The following KCNH7 variants were observed in gnomAD, a reference collection of about 807,000 sequenced individuals.
KCNH7 encodes voltage-gated inwardly rectifying potassium channel KCNH7.
In KCNH7, 49 loss-of-function variants were observed where a neutral mutation model predicts 120.8. The ratio of observed to expected loss-of-function variants is 0.41; its 90% CI spans 0.32 to 0.51. KCNH7 has a LOEUF of 0.51. Ranked by LOEUF, KCNH7 falls within the 20% of genes least tolerant of loss-of-function variation. KCNH7 has a pLI of 0.38. For synonymous variants in KCNH7, 547 were observed against 516.1 expected, an observed-to-expected ratio of 1.06 and a Z score of -0.81; for missense variants, 1,097 against 1,446.6, an observed-to-expected ratio of 0.76 and a Z score of 3.92.
chr2:162,570,208 G>T (rs925483134), intron 2 of KCNH7, among the ~76,000 whole-genome samples: 12 of 148,926 alleles, frequency 8.1e-5, no homozygotes, highest in African/African-American at 3.0e-4. Context: ...ATGAATCTAG[G>T]TGCTCCTGTA....
chr2:162,815,631 G>A (rs371078054), intron 2 of KCNH7, among the ~76,000 whole-genome samples: 11 of 152,314 alleles, frequency 7.2e-5, no homozygotes, highest in African/African-American at 2.2e-4. Context: ...GAGGAAGACA[G>A]TTTATGTCAG....
chr2:162,477,740 G>T (rs945790356), intron 6 of KCNH7, among the ~76,000 whole-genome samples: 1 of 152,150 alleles, frequency 6.6e-6, no homozygotes, highest in Non-Finnish European at 1.5e-5. Context: ...AGGAGGGGAT[G>T]TGGTAGAATT....
chr2:162,537,112 A>C (rs1178916914), intron 2 of KCNH7, 32 bp from the exon 3 acceptor site: 2 of 1,548,330 alleles, frequency 1.3e-6, no homozygotes, highest in Non-Finnish European at 1.8e-6. Flanking sequence ...GTTAGTTAAA[A>C]ATATGCCTTC....
At chr2:162,504,988 T>G (rs1276691581) in intron 5 of KCNH7, among the ~76,000 whole-genome samples, 2 of 152,056 alleles carry the variant, frequency 1.3e-5, no homozygotes, top group African/African-American at 2.4e-5. Context: ...TAAAGTTTCT[T>G]ATAAATTTCA....
chr2:162,712,605 T>C (rs1360893380), intron 2 of KCNH7, among the ~76,000 whole-genome samples: 1 of 152,066 alleles, frequency 6.6e-6, no homozygotes, highest in African/African-American at 2.4e-5. Flanking sequence ...ACAGATTAAA[T>C]GAACAATTCG....
chr2:162,406,335 T>C (rs1222226588), intron 9 of KCNH7, among the ~76,000 whole-genome samples: 2 of 151,946 alleles, frequency 1.3e-5, no homozygotes, highest in Non-Finnish European at 2.9e-5. Flanking sequence ...TATGAGAAGG[T>C]TTATCTATGT....
chr2:162,801,388 G>T (rs1217403645), intron 2 of KCNH7, among the ~76,000 whole-genome samples: 1 of 151,542 alleles, frequency 6.6e-6, no homozygotes, highest in Non-Finnish European at 1.5e-5. Flanking sequence ...GCAAAAGTTG[G>T]AATAAAAAAA....
intron 2 of KCNH7, among the ~76,000 whole-genome samples, chr2:162,572,280 A>G (rs1338115928): frequency 6.7e-6 from 1 of 150,106 alleles, no homozygotes; most frequent in African/African-American, 2.5e-5. Context: ...TATGCAGCCA[A>G]AAAACACATG....
chr2:162,441,286 G>A (rs1688407512), intron 7 of KCNH7, among the ~76,000 whole-genome samples: 2 of 152,156 alleles, frequency 1.3e-5, no homozygotes, highest in Admixed American at 6.6e-5. Context: ...CTATTATAAA[G>A]ATCAAGTTCA....
chr2:162,690,041 T>A (rs555160247), intron 2 of KCNH7, among the ~76,000 whole-genome samples: 7 of 152,258 alleles, frequency 4.6e-5, no homozygotes, highest in African/African-American at 1.4e-4. Flanking sequence ...TGGAATAATA[T>A]GCAACCATAA....
At chr2:162,697,233 T>A (rs2105337098) in intron 2 of KCNH7, among the ~76,000 whole-genome samples, 1 of 152,180 alleles carries the variant, frequency 6.6e-6, no homozygotes. Context: ...CTGAGTTTGA[T>A]CCAGTCTGAA....
chr2:162,491,254 C>T (rs533914745), intron 6 of KCNH7, among the ~76,000 whole-genome samples: 1 of 152,330 alleles, frequency 6.6e-6, no homozygotes, highest in Admixed American at 6.5e-5. Flanking sequence ...GGTTTTTCCC[C>T]CAGGCATTGT....
At chr2:162,760,288 C>CA (rs2105449678) in intron 2 of KCNH7, among the ~76,000 whole-genome samples, 1 of 152,170 alleles carries the variant, frequency 6.6e-6, no homozygotes, top group African/African-American at 2.4e-5. Context: ...CTCTGACATA[C>CA]ATTGGTTAAA....
At chr2:162,818,049 A>G (rs574823653) in intron 2 of KCNH7, among the ~76,000 whole-genome samples, 1 of 152,116 alleles carries the variant, frequency 6.6e-6, no homozygotes, top group East Asian at 1.9e-4. Context: ...GAAACTGTGT[A>G]TATACATATA....
At chr2:162,774,929 A>G (rs2105479536) in intron 2 of KCNH7, among the ~76,000 whole-genome samples, 1 of 152,306 alleles carries the variant, frequency 6.6e-6, no homozygotes, top group African/African-American at 2.4e-5. Flanking sequence ...TTTTATATGT[A>G]CAATCTGTAA....
chr2:162,441,628 A>T (rs1260241218), intron 7 of KCNH7, among the ~76,000 whole-genome samples: 2 of 152,212 alleles, frequency 1.3e-5, no homozygotes, highest in Non-Finnish European at 2.9e-5. Flanking sequence ...TTCAGCTGCT[A>T]ATATCTCTGA....
chr2:162,545,520 C>G (rs755778315), intron 2 of KCNH7, among the ~76,000 whole-genome samples: 2 of 152,114 alleles, frequency 1.3e-5, no homozygotes, highest in African/African-American at 2.4e-5. Flanking sequence ...AAGGGAATGC[C>G]AAAGGCCACT....
At chr2:162,776,369 T>C (rs1683238688) in intron 2 of KCNH7, among the ~76,000 whole-genome samples, 1 of 152,168 alleles carries the variant, frequency 6.6e-6, no homozygotes, top group East Asian at 1.9e-4. Context: ...TTAAGTGTAG[T>C]TAAAATAGTG....
chr2:162,579,359 G>A (rs543351424), intron 2 of KCNH7, among the ~76,000 whole-genome samples: 10 of 152,172 alleles, frequency 6.6e-5, no homozygotes, highest in South Asian at 2.1e-4. Context: ...TTCAGCTTTG[G>A]TTCCTGTAGA....
Sources: gnomAD v4.1 joint callset for allele counts (sites outside exome capture counted in the v4.1 genomes callset) on GRCh38, gnomAD v4.1.1 for gene constraint, MANE v1.5 for transcripts, NCBI Gene and HGNC (gene_info 2026-07-23, HGNC 2026-07-21) for gene names.